Variants in MTDH observed in about 807,000 individuals in gnomAD.
The protein encoded by MTDH is metadherin.
Under a neutral mutation model 72.7 loss-of-function variants are expected in MTDH, and 34 were observed. The observed-to-expected ratio is 0.47, with a 90% CI of 0.36 to 0.62. MTDH has a LOEUF of 0.62. MTDH is among the 20% of genes least tolerant of loss of function. The probability of loss-of-function intolerance (pLI) is 0.00; values close to 1 mark genes in which losing one functional copy is unlikely to be tolerated. For synonymous variants in MTDH, 266 were observed against 268.9 expected, an observed-to-expected ratio of 0.99 and a Z score of 0.10; for missense variants, 677 against 699.4, an observed-to-expected ratio of 0.97 and a Z score of 0.36.
chr8:97,693,983 G>A (rs1306080285), intron 6 of MTDH, among the ~76,000 whole-genome samples: 3 of 152,010 alleles, frequency 2.0e-5, no homozygotes, highest in African/African-American at 7.2e-5. Flanking sequence ...TCACAGTGCT[G>A]GGATTACAGA....
In MTDH at chr8:97,729,646, A is replaced by G. The variant is rs1254142837; in HGVS notation, c.*4976A>G. On this transcript the variant is annotated 3_prime_UTR_variant, in exon 12 of 12. Coordinates refer to ENST00000336273, the MANE Select transcript of MTDH (RefSeq NM_178812.4). ...CAGCTAATAATGTTCCAACTTCTAT[A>G]TGATAGTTTGCTTTTTGTTTTTTGT... is the stretch of plus-strand genomic sequence containing the variant. Among the ~76,000 whole-genome samples, 1 of 152,068 alleles carries G rather than the reference A, an allele frequency of 6.6e-6. No individual in the cohort carries two copies. The highest frequency in any genetic ancestry group is 1.5e-5 in the Non-Finnish European group (1 of 68,014).
At chr8:97,683,740 A>G (rs1003115585) in intron 2 of MTDH, among the ~76,000 whole-genome samples, 1 of 152,048 alleles carries the variant, frequency 6.6e-6, no homozygotes, top group African/African-American at 2.4e-5. Context: ...TAAAATGGGG[A>G]TACCTACTTT....
At chr8:97,698,687 C>A (rs1029726408) in intron 6 of MTDH, among the ~76,000 whole-genome samples, 9 of 152,206 alleles carry the variant, frequency 5.9e-5, no homozygotes, top group African/African-American at 2.2e-4. Flanking sequence ...TGTTTCTTAG[C>A]CAAAAGATGC....
In MTDH at chr8:97,691,101, G is replaced by GCCT; in HGVS notation, c.962_964dup (p.Ala321_Trp322insSer). The GCCT allele has an allele frequency of 6.2e-7, 1 of 1,614,174 alleles. No homozygotes were observed. The highest frequency in any genetic ancestry group is 8.5e-7 in the Non-Finnish European group (1 of 1,180,018). ...AGGAAAGAGGAAAACTGAGCCATCT[G>GCCT]CCTGGAGTCAAGACACTGGAGATGC... On this transcript the variant is annotated inframe_insertion, in exon 6 of 12. Transcript: ENST00000336273.
chr8:97,686,723 C>A lies in MTDH; in HGVS notation c.539C>A (p.Ser180Ter). 1 of 1,594,766 alleles carries A rather than the reference C, an allele frequency of 6.3e-7. No individual in the cohort carries two copies. Among genetic ancestry groups the A allele is most frequent in the South Asian group, 1.1e-5 (1 of 86,990 alleles). Residue 180 changes from serine (S) to a stop codon, truncating the protein, a stop_gained, in exon 3 of 12, where the codon TCA (serine) becomes TAA (stop). Transcript: ENST00000336273. LOFTEE classifies it high-confidence loss of function. ...GATGCTAAAGCAGTGCAAAACAGTT[C>A]ACGCCATGATGGAAAGGAAGTTGAT... ...KSDAKAVQNSSRHDGKEVDEG... is the reference protein window; with the variant it reads ...KSDAKAVQNS
At chr8:97,669,922 C>CAG (rs543568618) in intron 2 of MTDH, among the ~76,000 whole-genome samples, 5 of 119,360 alleles carry the variant, frequency 4.2e-5, no homozygotes, top group Non-Finnish European at 9.2e-5. Flanking sequence ...GACTCCATCT[C>CAG]AAAAAAAAAA....
At position 97,711,906 on chromosome 8, in the gene MTDH, C is replaced by T. The variant is rs565109538; in HGVS notation, c.1273-1756C>T. On this transcript the variant is annotated intron_variant, in intron 8 of 11. Transcript: ENST00000336273. ...GTAACTGAAACTGCAGAAAGCAAAA[C>T]TGCAAATAAGGGGGAACTACCTTTT... Among the ~76,000 whole-genome samples, 3 of 152,344 alleles carry T rather than the reference C, an allele frequency of 2.0e-5. No individual in the cohort carries two copies. In the East Asian group the frequency reaches 5.8e-4, roughly 29 times the overall value.
chr8:97,650,251 C>T lies in MTDH; in HGVS notation c.381+5364C>T, dbSNP rs545737208. Reference sequence around the variant, plus strand: ...GATTACAGGCATGAGCCACCAGGCCCGGCCAGTTTCTTTTCTTATTTTTAT... The same window carrying T: ...GATTACAGGCATGAGCCACCAGGCCTGGCCAGTTTCTTTTCTTATTTTTAT... On this transcript the variant is annotated intron_variant, in intron 1 of 11. Coordinates refer to ENST00000336273, the MANE Select transcript of MTDH (RefSeq NM_178812.4). Among the ~76,000 whole-genome samples, 9 of 152,078 alleles carry T rather than the reference C, an allele frequency of 5.9e-5. No homozygotes were observed. The East Asian group carries it at 1.5e-3, about 26-fold the overall frequency.
chr8:97,692,183 A>G (rs1813636688), intron 6 of MTDH, among the ~76,000 whole-genome samples: 1 of 151,216 alleles, frequency 6.6e-6, no homozygotes, highest in Non-Finnish European at 1.5e-5. Flanking sequence ...CACCCGGCCT[A>G]TAGTTTTGCT....
chr8:97,673,670 G>A (rs1423024169), intron 2 of MTDH, among the ~76,000 whole-genome samples: 1 of 149,270 alleles, frequency 6.7e-6, no homozygotes, highest in African/African-American at 2.5e-5. Context: ...TGGGCGGGGC[G>A]GGGAAGGGGG....
rs114962051 is a variant in MTDH at position 97,667,920 on chromosome 8, A to G, written c.483+6747A>G. On this transcript the variant is annotated intron_variant, in intron 2 of 11. Coordinates refer to ENST00000336273, the MANE Select transcript of MTDH (RefSeq NM_178812.4). ...ACTTACCAGTACATAAGGAATTTCT[A>G]ATGACGTTAGTTGGTATATTAACAA... 3.9e-5 allele frequency among the ~76,000 whole-genome samples: 6 copies of G among 152,098 alleles called. No homozygotes were observed. In the South Asian group the frequency reaches 1.2e-3, roughly 32 times the overall value.
In MTDH at chr8:97,644,544, A is replaced by T. The variant is rs1252165697; in HGVS notation, c.38A>T (p.Gln13Leu). 42 of 1,599,308 alleles carry T rather than the reference A, an allele frequency of 2.6e-5. No homozygotes were observed. Among genetic ancestry groups the T allele is most frequent in the Non-Finnish European group, 3.5e-5 (41 of 1,176,946 alleles). ...ARSWQDELAQ[Q>L]AEEGSARLRE... Reference sequence around the variant, plus strand: ...AGCTGGCAGGACGAGCTGGCCCAGCAGGCCGAGGAGGGCTCGGCCCGGCTG... The same window carrying T: ...AGCTGGCAGGACGAGCTGGCCCAGCTGGCCGAGGAGGGCTCGGCCCGGCTG... The change falls in exon 1 of 12, where the codon CAG becomes CTG. Residue 13 changes from glutamine to leucine, a missense_variant. By Grantham distance (113) the Gln-to-Leu change is moderately radical. Around this residue, in one of 3 missense-constraint regions of MTDH, gnomAD observed 467 missense variants for 469.1 expected, o/e 1.00. Transcript: ENST00000336273.
chr8:97,699,487 A>C (rs937653878), intron 6 of MTDH, among the ~76,000 whole-genome samples: 1 of 152,206 alleles, frequency 6.6e-6, no homozygotes, highest in African/African-American at 2.4e-5. Flanking sequence ...TTGGTGTATA[A>C]TACAAAACAC....
chr8:97,713,171 G>A (rs1007257909), intron 8 of MTDH, among the ~76,000 whole-genome samples: 10 of 152,016 alleles, frequency 6.6e-5, no homozygotes, highest in Non-Finnish European at 1.3e-4. Flanking sequence ...TGCAAGCTCC[G>A]CCTCCTGGGT....
chr8:97,720,580 A>AATAT (rs963154401), intron 10 of MTDH, among the ~76,000 whole-genome samples: 6 of 148,672 alleles, frequency 4.0e-5, no homozygotes, highest in Non-Finnish European at 7.4e-5. Context: ...TGTGAAGAAG[A>AATAT]ATATATATAT....
At chr8:97,646,320 A>G (rs1361231872) in intron 1 of MTDH, among the ~76,000 whole-genome samples, 1 of 152,246 alleles carries the variant, frequency 6.6e-6, no homozygotes, top group Non-Finnish European at 1.5e-5. Context: ...CAACTTTGTC[A>G]ATGTGAATAC....
chr8:97,670,655 A>T lies in MTDH; in HGVS notation c.483+9482A>T, dbSNP rs1586223275. On this transcript the variant is annotated intron_variant, in intron 2 of 11. Transcript: ENST00000336273. The stretch of plus-strand genomic sequence containing the variant: ...AATAAAAAATAAAAATAAATGCCTG[A>T]AACTGGATAATTTATAAAGAAAAGA... Among the ~76,000 whole-genome samples the T allele has an allele frequency of 2.0e-5, 3 of 152,310 alleles. 1 individual carries two copies. The highest frequency in any genetic ancestry group is 2.0e-4 in the Admixed American group (3 of 15,302).
chr8:97,694,455 C>G (rs948036056), intron 6 of MTDH, among the ~76,000 whole-genome samples: 16 of 152,134 alleles, frequency 1.1e-4, no homozygotes, highest in African/African-American at 3.6e-4. Context: ...CCTTAGCCTC[C>G]CAAAGTACTG....
chr8:97,696,014 A>G (rs1813821462), intron 6 of MTDH, among the ~76,000 whole-genome samples: 1 of 152,222 alleles, frequency 6.6e-6, no homozygotes, highest in Non-Finnish European at 1.5e-5. Flanking sequence ...AAGTTTCTGT[A>G]AGGATTAGAA....
Sources: allele counts gnomAD v4.1 joint callset (sites outside exome capture counted in the v4.1 genomes callset), GRCh38; gene constraint gnomAD v4.1.1; regional missense constraint gnomAD v4.1.1; transcripts MANE v1.5; gene names NCBI Gene and HGNC (gene_info 2026-07-23, HGNC 2026-07-21).